Variants in ST6GALNAC5 observed in about 807,000 individuals in gnomAD.
The protein encoded by ST6GALNAC5 is ST6 N-acetylgalactosaminide alpha-2,6-sialyltransferase 5.
ST6GALNAC5 carries 27 observed loss-of-function variants against 33.6 expected under a neutral mutation model. That is an observed-to-expected ratio of 0.80 (90% CI 0.59 to 1.11). The LOEUF (loss-of-function observed/expected upper bound fraction) is 1.11. Ranked by LOEUF, ST6GALNAC5 falls within the 50% of genes least tolerant of loss-of-function variation. ST6GALNAC5 has a pLI of 0.00. For missense variants in ST6GALNAC5, 428 were observed against 454.0 expected (o/e 0.94, Z 0.52); for synonymous variants, 194 against 171.2 (o/e 1.13, Z -1.04).
intron 2 of ST6GALNAC5, among the ~76,000 whole-genome samples, chr1:76,894,545 A>G (rs1654083829): frequency 6.6e-6 from 1 of 152,144 alleles, no homozygotes; most frequent in Non-Finnish European, 1.5e-5. Flanking sequence ...TGAGGACTTG[A>G]TAGGCACCCT....
intron 2 of ST6GALNAC5, among the ~76,000 whole-genome samples, chr1:76,911,300 A>G (rs977193388): frequency 3.9e-5 from 6 of 152,082 alleles, no homozygotes; most frequent in Admixed American, 6.6e-5. Context: ...AGCCCACTTG[A>G]TCATGGTGGA....
At chr1:76,975,589 G>A (rs1441657680) in intron 2 of ST6GALNAC5, among the ~76,000 whole-genome samples, 1 of 152,172 alleles carries the variant, frequency 6.6e-6, no homozygotes, top group Admixed American at 6.5e-5. Flanking sequence ...GAGATTAACA[G>A]ATTATAAACA....
intron 2 of ST6GALNAC5, among the ~76,000 whole-genome samples, chr1:76,912,412 G>T (rs1056787633): frequency 6.6e-6 from 1 of 152,100 alleles, no homozygotes; most frequent in Admixed American, 6.6e-5. Flanking sequence ...TTGATTTGGG[G>T]TGGAGAGTTC....
chr1:77,035,950 G>T (rs1651630102), intron 2 of ST6GALNAC5, among the ~76,000 whole-genome samples: 1 of 152,184 alleles, frequency 6.6e-6, no homozygotes, highest in Admixed American at 6.5e-5. Flanking sequence ...ATAAAAATTT[G>T]TATGTGAATG....
intron 2 of ST6GALNAC5, among the ~76,000 whole-genome samples, chr1:76,974,773 CTTTTTTT>C (rs60357939): frequency 2.6e-4 from 9 of 35,248 alleles, no homozygotes; most frequent in African/African-American, 6.5e-4. Context: ...TTCTTTCTTT[CTTTTTTT>C]TTTTTTTTTT....
chr1:76,972,977 AT>A (rs200877720), intron 2 of ST6GALNAC5, among the ~76,000 whole-genome samples: 1,714 of 152,102 alleles, frequency 0.011, 36 homozygotes, highest in African/African-American at 0.039. Context: ...CCATTTTTCC[AT>A]TGGTCTGTTG....
intron 2 of ST6GALNAC5, among the ~76,000 whole-genome samples, chr1:77,038,646 C>A (rs543177076): frequency 6.6e-6 from 1 of 152,290 alleles, no homozygotes; most frequent in African/African-American, 2.4e-5. Flanking sequence ...GTTGGCCTGG[C>A]CTATTCTCTT....
In ST6GALNAC5 at chr1:76,997,348, A is replaced by G. The variant is rs1219735103; in HGVS notation, c.262-46856A>G. ...TGGTTCAGAAGGATGAAGGAACTCAATAAGGTTGTGAGGGATTGAGAAGGA... is the reference window on the plus strand; with the variant it reads ...TGGTTCAGAAGGATGAAGGAACTCAGTAAGGTTGTGAGGGATTGAGAAGGA... On this transcript the variant is annotated intron_variant, in intron 2 of 4. Coordinates refer to ENST00000477717, the MANE Select transcript of ST6GALNAC5 (RefSeq NM_030965.3). 5.3e-5 allele frequency among the ~76,000 whole-genome samples: 8 copies of G among 152,298 alleles called. No homozygotes were observed. The East Asian group carries it at 1.5e-3, about 29-fold the overall frequency.
chr1:76,954,863 C>T (rs1034829314), intron 2 of ST6GALNAC5, among the ~76,000 whole-genome samples: 1 of 152,092 alleles, frequency 6.6e-6, no homozygotes, highest in African/African-American at 2.4e-5. Flanking sequence ...TGAGGAAATG[C>T]CTTATTCACT....
chr1:77,010,086 C>A (rs1006192728), intron 2 of ST6GALNAC5, among the ~76,000 whole-genome samples: 1 of 152,152 alleles, frequency 6.6e-6, no homozygotes, highest in South Asian at 2.1e-4. Flanking sequence ...TTCCACCAGC[C>A]CTTCTGGTAT....
intron 2 of ST6GALNAC5, among the ~76,000 whole-genome samples, chr1:76,963,055 A>G (rs937613972): frequency 1.3e-5 from 2 of 152,144 alleles, no homozygotes; most frequent in Non-Finnish European, 2.9e-5. Context: ...GCATAGGATT[A>G]CCAGGGACAT....
At chr1:77,043,541 G>A (rs562907899) in intron 2 of ST6GALNAC5, among the ~76,000 whole-genome samples, 80 of 152,286 alleles carry the variant, frequency 5.3e-4, no homozygotes, top group Admixed American at 1.3e-3. Context: ...TCCCTCATCC[G>A]TTAAAATAGA....
At chr1:76,999,400 T>A (rs1480331016) in intron 2 of ST6GALNAC5, among the ~76,000 whole-genome samples, 1 of 152,116 alleles carries the variant, frequency 6.6e-6, no homozygotes, top group Admixed American at 6.6e-5. Context: ...GGAGATGGGA[T>A]GGTTTGGTAC....
At chr1:76,921,856 C>G (rs1299297469) in intron 2 of ST6GALNAC5, among the ~76,000 whole-genome samples, 1 of 151,898 alleles carries the variant, frequency 6.6e-6, no homozygotes. Context: ...AGGGAACCTA[C>G]TCAACTTGAT....
At chr1:76,984,313 T>TA (rs1382613829) in intron 2 of ST6GALNAC5, among the ~76,000 whole-genome samples, 5 of 151,900 alleles carry the variant, frequency 3.3e-5, no homozygotes, top group Non-Finnish European at 5.9e-5. Flanking sequence ...ATAGATGCAA[T>TA]AAAAAATGAC....
intron 2 of ST6GALNAC5, among the ~76,000 whole-genome samples, chr1:76,885,809 A>G (rs541139129): frequency 3.3e-5 from 5 of 152,270 alleles, no homozygotes; most frequent in African/African-American, 1.2e-4. Context: ...TCCCCCACCT[A>G]TATGCTCAGA....
chr1:76,908,028 C>G (rs577577503), intron 2 of ST6GALNAC5, among the ~76,000 whole-genome samples: 61 of 152,270 alleles, frequency 4.0e-4, no homozygotes, highest in Non-Finnish European at 7.9e-4. Context: ...AGCCCAAAAT[C>G]TTTTTAATAC....
chr1:76,889,367 A>G (rs2100246469), intron 2 of ST6GALNAC5, among the ~76,000 whole-genome samples: 1 of 152,250 alleles, frequency 6.6e-6, no homozygotes, highest in African/African-American at 2.4e-5. Context: ...ATTACCCATG[A>G]TTACCATCAT....
intron 2 of ST6GALNAC5, among the ~76,000 whole-genome samples, chr1:77,005,444 C>T (rs973140656): frequency 2.0e-5 from 3 of 152,214 alleles, no homozygotes; most frequent in African/African-American, 7.2e-5. Flanking sequence ...AGAAATCACC[C>T]GTCTTCTGCG....
Sources: gnomAD v4.1 joint callset for allele counts (sites outside exome capture counted in the v4.1 genomes callset) on GRCh38, gnomAD v4.1.1 for gene constraint, MANE v1.5 for transcripts, NCBI Gene and HGNC (gene_info 2026-07-23, HGNC 2026-07-21) for gene names.